Variants in CNTNAP2 observed in about 807,000 individuals in gnomAD.
CNTNAP2 encodes contactin associated protein 2.
Under a neutral mutation model 155.2 loss-of-function variants are expected in CNTNAP2, and 98 were observed. The ratio of observed to expected loss-of-function variants is 0.63; its 90% confidence interval spans 0.54 to 0.75. The LOEUF is 0.75. CNTNAP2 is among the 30% of genes least tolerant of loss of function. The pLI is 0.00. For missense variants in CNTNAP2, 1,727 were observed against 1,688.1 expected (o/e 1.02, Z -0.40); for synonymous variants, 651 against 631.2 (o/e 1.03, Z -0.47).
chr7:146,622,267 CTATCTATCTATCTA>C (rs1420727553), intron 1 of CNTNAP2, among the ~76,000 whole-genome samples: 86 of 105,684 alleles, frequency 8.1e-4, no homozygotes, highest in African/African-American at 3.2e-3. Flanking sequence ...ATCTATCTAT[CTATCTATCTATCTA>C]TATATATATA....
intron 1 of CNTNAP2, among the ~76,000 whole-genome samples, chr7:146,706,657 A>G (rs1800970606): frequency 1.3e-5 from 2 of 152,130 alleles, no homozygotes; most frequent in Admixed American, 1.3e-4. Flanking sequence ...TTAGCAAACT[A>G]ACACAGAAAC....
chr7:146,651,551 T>C (rs1224516433), intron 1 of CNTNAP2, among the ~76,000 whole-genome samples: 1 of 152,202 alleles, frequency 6.6e-6, no homozygotes, highest in Admixed American at 6.5e-5. Context: ...ATGTTGAACA[T>C]TGAATTACTA....
chr7:147,113,529 G>A (rs1330215338), intron 5 of CNTNAP2, among the ~76,000 whole-genome samples: 2 of 152,058 alleles, frequency 1.3e-5, no homozygotes, highest in Non-Finnish European at 2.9e-5. Context: ...CGAAAGGGAA[G>A]CAAACACATC....
At chr7:147,234,314 C>T (rs994290053) in intron 8 of CNTNAP2, among the ~76,000 whole-genome samples, 17 of 149,498 alleles carry the variant, frequency 1.1e-4, no homozygotes, top group African/African-American at 4.2e-4. Context: ...TTGAGTTTCA[C>T]CAGTTGTCCC....
At chr7:146,900,213 G>C (rs942825813) in intron 3 of CNTNAP2, among the ~76,000 whole-genome samples, 1 of 152,106 alleles carries the variant, frequency 6.6e-6, no homozygotes, top group African/African-American at 2.4e-5. Context: ...ATATTTTTTA[G>C]TGTTGTCCTG....
intron 14 of CNTNAP2, among the ~76,000 whole-genome samples, chr7:147,949,459 T>TATATATATATATATATATATATA (rs1554453475): frequency 2.0e-4 from 26 of 129,810 alleles, no homozygotes; most frequent in Non-Finnish European, 2.6e-4. Context: ...TATATATATA[T>TATATATATATATATATATATATA]TTTTTTTTTT....
At chr7:148,021,675 T>C (rs1328530246) in intron 15 of CNTNAP2, among the ~76,000 whole-genome samples, 1 of 152,172 alleles carries the variant, frequency 6.6e-6, no homozygotes, top group Non-Finnish European at 1.5e-5. Flanking sequence ...CTCTGTGCTC[T>C]CAGAGGACTT....
At chr7:147,917,314 A>G (rs1800178034) in intron 14 of CNTNAP2, among the ~76,000 whole-genome samples, 1 of 152,230 alleles carries the variant, frequency 6.6e-6, no homozygotes, top group Non-Finnish European at 1.5e-5. Flanking sequence ...CCATTGATAT[A>G]GGGCTAGGTT....
chr7:147,016,060 C>A (rs570345774), intron 3 of CNTNAP2, among the ~76,000 whole-genome samples: 1 of 152,042 alleles, frequency 6.6e-6, no homozygotes, highest in African/African-American at 2.4e-5. Context: ...ACTGTGCTCA[C>A]CCCTTTGGGA....
At chr7:147,388,639 G>A (rs1796660593) in intron 9 of CNTNAP2, among the ~76,000 whole-genome samples, 5 of 151,662 alleles carry the variant, frequency 3.3e-5, no homozygotes, top group Admixed American at 3.3e-4. Context: ...GGAGTGCAAT[G>A]GCGCAATCTT....
rs550320931 is a variant in CNTNAP2 at position 146,937,924 on chromosome 7, A to G, written c.402+98020A>G. 2.0e-4 allele frequency among the ~76,000 whole-genome samples: 30 copies of G among 152,268 alleles called. 1 individual carries two copies. The South Asian group carries it at 5.8e-3, about 29-fold the overall frequency. On this transcript the variant is annotated intron_variant, in intron 3 of 23. Coordinates refer to ENST00000361727, the MANE Select transcript of CNTNAP2 (RefSeq NM_014141.6). Reference sequence around the variant, plus strand: ...TAAGGAAGCTAAAAAGAATTTCAACATCTTTCTGTACAAGGCTGGATGCAT... The same window carrying G: ...TAAGGAAGCTAAAAAGAATTTCAACGTCTTTCTGTACAAGGCTGGATGCAT...
At chr7:147,193,151 A>G (rs1802716262) in intron 8 of CNTNAP2, among the ~76,000 whole-genome samples, 1 of 152,224 alleles carries the variant, frequency 6.6e-6, no homozygotes, top group South Asian at 2.1e-4. Flanking sequence ...TTGCTTGCTC[A>G]CAAAATTCAA....
At chr7:148,232,560 C>A (rs530389264) in intron 20 of CNTNAP2, among the ~76,000 whole-genome samples, 1 of 152,318 alleles carries the variant, frequency 6.6e-6, no homozygotes, top group South Asian at 2.1e-4. Flanking sequence ...GCCATATATT[C>A]TCAACCTATT....
At chr7:148,125,309 T>G (rs1329956884) in intron 16 of CNTNAP2, among the ~76,000 whole-genome samples, 1 of 152,046 alleles carries the variant, frequency 6.6e-6, no homozygotes, top group African/African-American at 2.4e-5. Context: ...GTTTGTTATA[T>G]TGGTAAATTG....
chr7:147,820,358 T>C (rs1260430158), intron 13 of CNTNAP2, among the ~76,000 whole-genome samples: 1 of 152,130 alleles, frequency 6.6e-6, no homozygotes, highest in African/African-American at 2.4e-5. Context: ...TGTCTATTTT[T>C]TCGTTGCTGC....
chr7:148,082,159 T>A (rs1336997373), intron 15 of CNTNAP2, among the ~76,000 whole-genome samples: 1 of 151,868 alleles, frequency 6.6e-6, no homozygotes. Flanking sequence ...AAGAGATGAA[T>A]GAATGGAAGA....
At chr7:146,445,546 A>G (rs1000685182) in intron 1 of CNTNAP2, among the ~76,000 whole-genome samples, 1 of 152,192 alleles carries the variant, frequency 6.6e-6, no homozygotes, top group Non-Finnish European at 1.5e-5. Context: ...AAAATTGTTC[A>G]AAACAAGAAA....
chr7:148,273,367 C>T (rs536654070), intron 21 of CNTNAP2, among the ~76,000 whole-genome samples: 1 of 152,278 alleles, frequency 6.6e-6, no homozygotes, highest in East Asian at 1.9e-4. Flanking sequence ...TGTTATGATG[C>T]ATGATGATAG....
intron 14 of CNTNAP2, among the ~76,000 whole-genome samples, chr7:147,969,393 T>C (rs941169728): frequency 2.0e-5 from 3 of 152,088 alleles, no homozygotes; most frequent in African/African-American, 7.2e-5. Flanking sequence ...CTCCTGTTAT[T>C]TGGAAAACTG....
Sources: allele counts gnomAD v4.1 joint callset (sites outside exome capture counted in the v4.1 genomes callset), GRCh38; gene constraint gnomAD v4.1.1; transcripts MANE v1.5; gene names NCBI Gene and HGNC (gene_info 2026-07-23, HGNC 2026-07-21).